POU6F2: variants seen among roughly 807,000 people sequenced by gnomAD.
The protein encoded by POU6F2 is POU class 6 homeobox 2.
In POU6F2, 31 loss-of-function variants were observed where a neutral mutation model predicts 71.3. The observed-to-expected ratio is 0.43, with a 90% CI of 0.33 to 0.59. The LOEUF (loss-of-function observed/expected upper bound fraction) is 0.59. Ranked by LOEUF, POU6F2 falls within the 20% of genes least tolerant of loss-of-function variation. POU6F2 has a pLI of 0.04. For synonymous variants in POU6F2, 347 were observed against 355.7 expected, an observed-to-expected ratio of 0.98 and a Z score of 0.27; for missense variants, 783 against 856.8, an observed-to-expected ratio of 0.91 and a Z score of 1.07.
At chr7:39,027,930 A>G (rs1211816179) in intron 1 of POU6F2, among the ~76,000 whole-genome samples, 3 of 152,188 alleles carry the variant, frequency 2.0e-5, no homozygotes, top group Non-Finnish European at 4.4e-5. Context: ...TTTATTTCAG[A>G]TGCATATACC....
In POU6F2 at chr7:39,445,915, C is replaced by T. The variant is rs577642754; in HGVS notation, c.1321-5618C>T. On this transcript the variant is annotated intron_variant, in intron 7 of 9. Coordinates refer to ENST00000518318, the MANE Select transcript of POU6F2 (RefSeq NM_001370959.1). ...AGCTCCTTCCAAAATCTGTGTGGTC[C>T]TCCAACCCACAGTAGCAGCATCACC... 2.0e-5 allele frequency among the ~76,000 whole-genome samples: 3 copies of T among 152,232 alleles called. No homozygotes were observed. In the East Asian group the frequency reaches 5.8e-4, roughly 29 times the overall value.
intron 5 of POU6F2, among the ~76,000 whole-genome samples, chr7:39,380,096 T>G (rs752682128): frequency 7.2e-5 from 11 of 152,212 alleles, no homozygotes; most frequent in Non-Finnish European, 1.0e-4. Flanking sequence ...AATTGCCATA[T>G]TATTCACATG....
At chr7:39,084,220 A>T (rs1791188991) in intron 1 of POU6F2, among the ~76,000 whole-genome samples, 1 of 152,120 alleles carries the variant, frequency 6.6e-6, no homozygotes, top group South Asian at 2.1e-4. Flanking sequence ...GTTTTATTAT[A>T]TGTTTCACAA....
At chr7:39,181,343 G>A (rs1793430145) in intron 2 of POU6F2, among the ~76,000 whole-genome samples, 1 of 152,032 alleles carries the variant, frequency 6.6e-6, no homozygotes, top group Non-Finnish European at 1.5e-5. Flanking sequence ...AACTCTGGCG[G>A]CCTTCACCTT....
chr7:39,133,772 C>T (rs910827999), intron 2 of POU6F2, among the ~76,000 whole-genome samples: 1 of 152,220 alleles, frequency 6.6e-6, no homozygotes, highest in African/African-American at 2.4e-5. Flanking sequence ...ATGTGATATT[C>T]ACATAGACCA....
intron 4 of POU6F2, among the ~76,000 whole-genome samples, chr7:39,337,100 G>T (rs1785793809): frequency 6.6e-6 from 1 of 152,122 alleles, no homozygotes; most frequent in African/African-American, 2.4e-5. Context: ...ATGAGAAATT[G>T]TTTACAATTT....
chr7:39,128,199 G>T (rs561787070), intron 2 of POU6F2, among the ~76,000 whole-genome samples: 13 of 152,076 alleles, frequency 8.5e-5, no homozygotes, highest in Non-Finnish European at 1.9e-4. Context: ...TGGAGAAGAA[G>T]CAGCTTAGAA....
At chr7:39,087,667 C>G (rs901006979) in intron 2 of POU6F2, among the ~76,000 whole-genome samples, 10 of 152,152 alleles carry the variant, frequency 6.6e-5, no homozygotes, top group African/African-American at 2.4e-4. Flanking sequence ...AGCACTTTGA[C>G]TTTTAAAAAG....
chr7:39,150,462 ATT>A (rs1263641232), intron 2 of POU6F2, among the ~76,000 whole-genome samples: 825 of 99,198 alleles, frequency 8.3e-3, no homozygotes, highest in Non-Finnish European at 9.8e-3. Context: ...ACCAAGCTAC[ATT>A]TTTTTTTTTT....
chr7:39,027,002 T>C (rs930325863), intron 1 of POU6F2, among the ~76,000 whole-genome samples: 1 of 152,152 alleles, frequency 6.6e-6, no homozygotes, highest in African/African-American at 2.4e-5. Context: ...GTTTTCCCTC[T>C]ATTTTTATTT....
intron 4 of POU6F2, among the ~76,000 whole-genome samples, chr7:39,334,371 G>A (rs1470122760): frequency 6.6e-6 from 1 of 152,126 alleles, no homozygotes; most frequent in Admixed American, 6.6e-5. Context: ...GGAGGCATAT[G>A]ACAGATGAAA....
At chr7:38,991,945 C>T (rs1788614502) in intron 1 of POU6F2, among the ~76,000 whole-genome samples, 2 of 151,992 alleles carry the variant, frequency 1.3e-5, no homozygotes, top group South Asian at 4.1e-4. Context: ...CCCTTCTCTA[C>T]AATGGAATTG....
intron 4 of POU6F2, among the ~76,000 whole-genome samples, chr7:39,227,720 A>G (rs865818231): frequency 1.1e-4 from 17 of 151,948 alleles, no homozygotes; most frequent in Admixed American, 9.8e-4. Flanking sequence ...ACGCTTGGCT[A>G]ATTTTGTTTT....
At chr7:38,989,559 CTT>C (rs1788548450) in intron 1 of POU6F2, among the ~76,000 whole-genome samples, 1 of 151,994 alleles carries the variant, frequency 6.6e-6, no homozygotes, top group African/African-American at 2.4e-5. Flanking sequence ...ATTTGCTTCA[CTT>C]TGTTTCTCAA....
chr7:39,418,745 TA>T (rs1333376041), intron 6 of POU6F2, among the ~76,000 whole-genome samples: 2 of 150,574 alleles, frequency 1.3e-5, no homozygotes, highest in Admixed American at 6.6e-5. Flanking sequence ...AGCCATACAG[TA>T]AATGATAGAG....
intron 2 of POU6F2, among the ~76,000 whole-genome samples, chr7:39,139,333 A>G (rs1237591566): frequency 6.6e-6 from 1 of 152,142 alleles, no homozygotes; most frequent in African/African-American, 2.4e-5. Context: ...TGGGCTTAGG[A>G]GATCATTTCA....
intron 7 of POU6F2, among the ~76,000 whole-genome samples, chr7:39,442,282 A>C (rs1788424173): frequency 6.6e-6 from 1 of 152,202 alleles, no homozygotes; most frequent in Admixed American, 6.5e-5. Context: ...ATGTACATTC[A>C]CCAAAGACTT....
chr7:39,158,824 T>C (rs1412485913), intron 2 of POU6F2, among the ~76,000 whole-genome samples: 1 of 152,122 alleles, frequency 6.6e-6, no homozygotes, highest in Non-Finnish European at 1.5e-5. Context: ...CCAGAAATAA[T>C]GCTTTACCAG....
chr7:39,402,240 T>G (rs1787320895), intron 5 of POU6F2, among the ~76,000 whole-genome samples: 1 of 152,178 alleles, frequency 6.6e-6, no homozygotes, highest in African/African-American at 2.4e-5. Flanking sequence ...TAGGGAGACT[T>G]TATCAAAGCT....
Sources: gnomAD v4.1 joint callset for allele counts (sites outside exome capture counted in the v4.1 genomes callset) on GRCh38, gnomAD v4.1.1 for gene constraint, MANE v1.5 for transcripts, NCBI Gene and HGNC (gene_info 2026-07-23, HGNC 2026-07-21) for gene names.